The following CHN1 variants were observed in gnomAD, a reference collection of about 807,000 sequenced individuals.
The protein encoded by CHN1 is N-chimaerin.
In CHN1, 37 loss-of-function variants were observed where a neutral mutation model predicts 59.5. That is an observed-to-expected ratio of 0.62 (90% CI 0.48 to 0.82). The LOEUF (loss-of-function observed/expected upper bound fraction) is 0.82. Among genes scored for constraint, CHN1 ranks in the 40% least tolerant of loss-of-function variants. CHN1 has a pLI of 0.00. For missense variants in CHN1, 469 were observed against 571.0 expected (o/e 0.82, Z 1.82); for synonymous variants, 206 against 200.4 (o/e 1.03, Z -0.24).
intron 8 of CHN1, among the ~76,000 whole-genome samples, chr2:174,816,288 C>T (rs1685258279): frequency 6.6e-6 from 1 of 152,186 alleles, no homozygotes; most frequent in South Asian, 2.1e-4. Context: ...TTCTGCAAGG[C>T]AGGAATGGAA....
intron 1 of CHN1, among the ~76,000 whole-genome samples, chr2:174,954,983 G>C (rs1236388224): frequency 6.6e-6 from 1 of 151,892 alleles, no homozygotes; most frequent in East Asian, 1.9e-4. Context: ...AAAGACACTT[G>C]CACACGCATG....
At chr2:174,958,310 C>A (rs1029981725) in intron 1 of CHN1, among the ~76,000 whole-genome samples, 2 of 152,130 alleles carry the variant, frequency 1.3e-5, no homozygotes, top group Non-Finnish European at 2.9e-5. Flanking sequence ...TATCCTTTCC[C>A]GGCAATAACC....
At chr2:174,810,222 G>A (rs1421954659) in intron 10 of CHN1, among the ~76,000 whole-genome samples, 3 of 152,118 alleles carry the variant, frequency 2.0e-5, no homozygotes, top group Non-Finnish European at 4.4e-5. Context: ...TTAATGATCC[G>A]AGTCACTGGT....
chr2:174,995,230 C>T (rs1286430805), intron 1 of CHN1, among the ~76,000 whole-genome samples: 1 of 152,256 alleles, frequency 6.6e-6, no homozygotes, highest in African/African-American at 2.4e-5. Flanking sequence ...AAATCCTTAT[C>T]CAAGGTTTCA....
intron 5 of CHN1, among the ~76,000 whole-genome samples, chr2:174,881,749 G>C (rs185243569): frequency 6.6e-6 from 1 of 152,322 alleles, no homozygotes; most frequent in East Asian, 1.9e-4. Flanking sequence ...GCAAGGAGGA[G>C]CTCTTTGTGA....
In CHN1 at chr2:175,005,323, G is replaced by A; in HGVS notation, c.-411C>T. ...GCAGCCTCGCACAGCCCCCGGCGGG[G>A]CGCGCTCACTCCGCATCCCGCGGCC... On this transcript the variant is annotated 5_prime_UTR_variant, in exon 1 of 13. Transcript: ENST00000409900. 8.5e-7 allele frequency: 1 copy of A among 1,178,776 alleles called. No homozygotes were observed. The allele number at this position is 1,178,776 out of a possible 1,614,324, so 73.0% of individuals were successfully genotyped here. A position where few individuals can be genotyped will look rare whatever the true frequency, so the allele number is the denominator to read the frequency against.
At chr2:174,933,974 G>T (rs538307217) in intron 3 of CHN1, among the ~76,000 whole-genome samples, 153 of 152,226 alleles carry the variant, frequency 1.0e-3, no homozygotes, top group African/African-American at 3.4e-3. Context: ...AAAATTATGA[G>T]CTGAAAATTA....
At position 174,885,069 on chromosome 2, in the gene CHN1, C is replaced by T. The variant is rs565201315; in HGVS notation, c.261-6941G>A. Among the ~76,000 whole-genome samples, 119 of 151,532 alleles carry T rather than the reference C, an allele frequency of 7.9e-4. 1 individual carries two copies. The highest frequency in any genetic ancestry group is 1.2e-3 in the Non-Finnish European group (82 of 67,872). On this transcript the variant is annotated intron_variant, in intron 5 of 12. Transcript: ENST00000409900. Reference sequence around the variant, plus strand: ...TTGGGAGGCCAAGGTGGGCGGATCACGAGGTCAGGAGATCAAGACCATCCT... The same window carrying T: ...TTGGGAGGCCAAGGTGGGCGGATCATGAGGTCAGGAGATCAAGACCATCCT...
At position 174,811,586 on chromosome 2, in the gene CHN1, G is replaced by A; in HGVS notation, c.889C>T (p.Leu297Phe). Residue 297 changes from leucine to phenylalanine, a missense_variant and splice_region_variant, in exon 10 of 13, where the codon CTT (leucine) becomes TTT (phenylalanine). By Grantham distance (22) the Leu-to-Phe change is conservative. Coordinates refer to ENST00000409900, the MANE Select transcript of CHN1 (RefSeq NM_001822.7). ...MCIREIESRG[L>F]NSEGLYRVSG... ...ACTCGGTATAGTCCTTCAGAATTAA[G>A]ACCTGAAAAATAAAACTAGTTAGTT... The A allele has an allele frequency of 1.9e-6, 3 of 1,594,736 alleles. No homozygotes were observed. Among genetic ancestry groups the A allele is most frequent in the Non-Finnish European group, 2.6e-6 (3 of 1,169,128 alleles).
chr2:174,823,728 T>C (rs1283355530), intron 8 of CHN1, among the ~76,000 whole-genome samples: 3 of 152,164 alleles, frequency 2.0e-5, no homozygotes, highest in East Asian at 1.9e-4. Context: ...AGTTGCTCTA[T>C]ACAAATGGAT....
intron 5 of CHN1, among the ~76,000 whole-genome samples, chr2:174,895,084 C>G (rs1386409889): frequency 6.8e-6 from 1 of 147,972 alleles, no homozygotes; most frequent in Non-Finnish European, 1.5e-5. Context: ...GGGTTTAGTA[C>G]TATCCACAGT....
intron 3 of CHN1, among the ~76,000 whole-genome samples, chr2:174,938,923 A>G (rs1375583579): frequency 6.6e-6 from 1 of 152,160 alleles, no homozygotes; most frequent in Non-Finnish European, 1.5e-5. Context: ...GTGAAACATA[A>G]ATATTTCACA....
intron 1 of CHN1, among the ~76,000 whole-genome samples, chr2:175,002,699 G>A (rs966397551): frequency 4.6e-5 from 7 of 152,118 alleles, no homozygotes; most frequent in Non-Finnish European, 1.0e-4. Flanking sequence ...CGTTACTCTG[G>A]GGAGCCTCAG....
At chr2:174,910,947 T>G (rs1291006384) in intron 5 of CHN1, among the ~76,000 whole-genome samples, 1 of 149,900 alleles carries the variant, frequency 6.7e-6, no homozygotes, top group Non-Finnish European at 1.5e-5. Context: ...ATCAAATATT[T>G]AAAAGATCAT....
intron 5 of CHN1, among the ~76,000 whole-genome samples, chr2:174,889,716 A>T (rs575430118): frequency 6.6e-6 from 1 of 152,180 alleles, no homozygotes; most frequent in Non-Finnish European, 1.5e-5. Context: ...AAGAAATCCT[A>T]AGGGACTTAT....
At chr2:174,886,807 C>T (rs1216838615) in intron 5 of CHN1, among the ~76,000 whole-genome samples, 1 of 152,098 alleles carries the variant, frequency 6.6e-6, no homozygotes, top group African/African-American at 2.4e-5. Flanking sequence ...CAAAGTATCA[C>T]ATTTTTCTCA....
intron 8 of CHN1, among the ~76,000 whole-genome samples, chr2:174,815,680 C>T (rs1394753280): frequency 6.7e-6 from 1 of 150,158 alleles, no homozygotes; most frequent in Non-Finnish European, 1.5e-5. Context: ...CTGATAATTA[C>T]AACATCTGTG....
At chr2:174,945,780 T>A (rs983249121) in intron 2 of CHN1, among the ~76,000 whole-genome samples, 3 of 152,124 alleles carry the variant, frequency 2.0e-5, no homozygotes, top group African/African-American at 7.2e-5. Flanking sequence ...GACTGTCAGA[T>A]AACGGATGAC....
intron 1 of CHN1, among the ~76,000 whole-genome samples, chr2:174,976,126 C>CAAAAAAA (rs71031078): frequency 3.8e-4 from 19 of 50,188 alleles, no homozygotes; most frequent in African/African-American, 1.4e-3. Flanking sequence ...GACTCCGTCT[C>CAAAAAAA]AAAAAAAAAA....
Sources: gnomAD v4.1 joint callset for allele counts (sites outside exome capture counted in the v4.1 genomes callset) on GRCh38, gnomAD v4.1.1 for gene constraint, MANE v1.5 for transcripts, NCBI Gene and HGNC (gene_info 2026-07-23, HGNC 2026-07-21) for gene names.